IFT172: variants seen among roughly 807,000 people sequenced by gnomAD.
The protein encoded by IFT172 is intraflagellar transport 172, also known as intraflagellar transport protein 172 homolog.
Under a neutral mutation model 248.9 loss-of-function variants are expected in IFT172, and 164 were observed. The ratio of observed to expected loss-of-function variants is 0.66; its 90% confidence interval spans 0.58 to 0.75. The LOEUF is 0.75. IFT172 is among the 30% of genes least tolerant of loss of function. IFT172 has a pLI of 0.00. For synonymous variants in IFT172, 729 were observed against 791.6 expected, an observed-to-expected ratio of 0.92 and a Z score of 1.33; for missense variants, 1,950 against 2,192.4, an observed-to-expected ratio of 0.89 and a Z score of 2.21.
Position 27,456,480 on chromosome 2 carries a change from G to T in IFT172, c.3371+31C>A, listed in dbSNP as rs567851909. 2.3e-4 allele frequency: 371 copies of T among 1,597,198 alleles called. 4 individuals carry two copies. In the South Asian group the frequency reaches 3.9e-3, roughly 17 times the overall value. ...CTAGATAGTGGCTCTGGCTGGGATG[G>T]GGCCCGTGGAGAGAAAGCTTGGGGC... On this transcript the variant is annotated intron_variant, in intron 30 of 47. Transcript: ENST00000260570.
Position 27,453,980 on chromosome 2 carries a change from A to C in IFT172, c.3711+2T>G, listed in dbSNP as rs1299587820. ...CTCATGGCCCTGCATCCAGTGCCCC[A>C]CCTTATAATAATTGAGGGCCAGGCC... On this transcript the variant is annotated splice_donor_variant, in intron 33 of 47. Transcript: ENST00000260570. LOFTEE classifies it high-confidence loss of function. 1 of 1,608,998 alleles carries C rather than the reference A, an allele frequency of 6.2e-7. No individual in the cohort carries two copies. Among genetic ancestry groups the C allele is most frequent in the African/African-American group, 1.3e-5 (1 of 74,336 alleles).
chr2:27,445,423 G>T lies in IFT172; in HGVS notation c.4941C>A (p.Asp1647Glu). The T allele has an allele frequency of 1.9e-6, 3 of 1,612,034 alleles. No homozygotes were observed. The highest frequency in any genetic ancestry group is 2.5e-6 in the Non-Finnish European group (3 of 1,179,178). ...VPEAEREEVRDWVLTVSMDQR... is the reference protein window; with the variant it reads ...VPEAEREEVREWVLTVSMDQR... ...GGTCCATGGAGACTGTAAGCACCCA[G>T]TCTCGAACCTCTTCTCTCTCAGCCT... is the stretch of plus-strand genomic sequence containing the variant. The change falls in exon 46 of 48, where the codon GAC (aspartate) becomes GAA (glutamate). Residue 1647 changes from aspartate (D) to glutamate (E), a missense_variant. Around this residue, in one of 3 missense-constraint regions of IFT172, gnomAD observed 620 missense variants for 699.0 expected, o/e 0.89. Transcript: ENST00000260570. This position sits in a 1 kb window ranked among gnomAD's most constrained non-coding sequence, Gnocchi z 4.4.
chr2:27,448,815 G>T, intron 40 of IFT172, 100 bp downstream of exon 40: 1 of 751,292 alleles, frequency 1.3e-6, no homozygotes, highest in Non-Finnish European at 2.5e-6. Flanking sequence ...GTTCTCTAAG[G>T]ATAGAATCCT....
At chr2:27,461,182 G>A in intron 22 of IFT172, 87 bp downstream of exon 22, 1 of 1,613,126 alleles carries the variant, frequency 6.2e-7, no homozygotes, top group South Asian at 1.1e-5. Flanking sequence ...CAGCAGTCAG[G>A]AAGCGCTCTG....
chr2:27,450,965 T>TC (rs1359737490), intron 35 of IFT172, among the ~76,000 whole-genome samples: 9 of 151,556 alleles, frequency 5.9e-5, no homozygotes, highest in Admixed American at 5.9e-4. Context: ...TTTTTTTTTT[T>TC]TACTCTTTTT....
At chr2:27,446,721 C>T (rs1252271545) in intron 42 of IFT172, among the ~76,000 whole-genome samples, 2 of 107,244 alleles carry the variant, frequency 1.9e-5, no homozygotes, top group Non-Finnish European at 3.5e-5. Context: ...GAGACGGAGT[C>T]TCGCTCTGTC....
chr2:27,467,418 GAAAAAAAAAAAAAAAAAAAA>G (rs34115935), intron 16 of IFT172, among the ~76,000 whole-genome samples: 2 of 16,426 alleles, frequency 1.2e-4, no homozygotes, highest in African/African-American at 2.4e-4. Flanking sequence ...ACAGAAAATT[GAAAAAAAAAAAAAAAAAAAA>G]AAAAAAAAAA....
intron 11 of IFT172, 46 bp from the exon 12 acceptor site, chr2:27,477,658 G>A (rs765177020): frequency 3.2e-6 from 4 of 1,257,070 alleles, no homozygotes; most frequent in Non-Finnish European, 3.5e-6. Flanking sequence ...AAATACCCAA[G>A]ATAATGCCGA....
chr2:27,484,452 G>A (rs1668604736), intron 3 of IFT172, among the ~76,000 whole-genome samples, 186 bp from the exon 4 acceptor site: 1 of 152,096 alleles, frequency 6.6e-6, no homozygotes, highest in Non-Finnish European at 1.5e-5. Context: ...TTAGCCGGGT[G>A]TGGTGGTGGG....
At chr2:27,473,870 C>T (rs7596856) in intron 14 of IFT172, among the ~76,000 whole-genome samples, 69,405 of 151,154 alleles carry the variant, frequency 0.46, 17,392 homozygotes, top group African/African-American at 0.66. Flanking sequence ...TGCAGTGGCA[C>T]GATCTCGGCT....
At chr2:27,472,195 G>T in intron 15 of IFT172, 55 bp downstream of exon 15, 4 of 1,278,638 alleles carry the variant, frequency 3.1e-6, no homozygotes, top group Non-Finnish European at 3.4e-6. Flanking sequence ...GTGGCAGCTT[G>T]TCTCACACCC....
intron 1 of IFT172, chr2:27,486,138 G>A (rs996072335): frequency 6.0e-6 from 1 of 167,252 alleles, no homozygotes; most frequent in African/African-American, 2.4e-5. Flanking sequence ...CAGTAATTTA[G>A]TTTATTTGAA....
Position 27,481,254 on chromosome 2 carries a change from A to C in IFT172, c.577T>G (p.Leu193Val), listed in dbSNP as rs1209899453. Residue 193 changes from leucine to valine, a missense_variant, in exon 8 of 48, where the codon TTG (leucine) becomes GTG (valine). Transcript: ENST00000260570. ...DEGSGESQGKLVNHPCPPYAL... is the reference protein window; with the variant it reads ...DEGSGESQGKVVNHPCPPYAL... ...TAGGGTGGACACGGGTGGTTAACCA[A>C]CTTCCCCTAAGACAGAAGTAGAGGG... 1.2e-6 allele frequency: 2 copies of C among 1,611,018 alleles called. No homozygotes were observed. Among genetic ancestry groups the C allele is most frequent in the Admixed American group, 3.3e-5 (2 of 59,818 alleles).
intron 7 of IFT172, 88 bp from the exon 8 acceptor site, chr2:27,481,348 A>C (rs527368983): frequency 3.6e-5 from 34 of 944,412 alleles, no homozygotes; most frequent in Non-Finnish European, 5.3e-5. Flanking sequence ...ATTCACTCTG[A>C]CCATCATACC....
Position 27,472,275 on chromosome 2 carries a change from A to C in IFT172, c.1499T>G (p.Leu500Arg). 1 of 1,614,030 alleles carries C rather than the reference A, an allele frequency of 6.2e-7. No individual in the cohort carries two copies. Among genetic ancestry groups the C allele is most frequent in the Non-Finnish European group, 8.5e-7 (1 of 1,179,942 alleles). ...WLELNETGHKLLFRDRKLRLH... is the reference protein window; with the variant it reads ...WLELNETGHKRLFRDRKLRLH... ...ACGAAGTTTCCGGTCCCTGAAGAGGAGCTTGTGTCCAGTCTCATTAAGTTC... is the reference window on the plus strand; with the variant it reads ...ACGAAGTTTCCGGTCCCTGAAGAGGCGCTTGTGTCCAGTCTCATTAAGTTC... Residue 500 changes from leucine to arginine, a missense_variant, in exon 15 of 48, where the codon CTC becomes CGC. Leu to Arg is a moderately radical substitution (Grantham distance 102). Coordinates refer to ENST00000260570, the MANE Select transcript of IFT172 (RefSeq NM_015662.3).
intron 47 of IFT172, 121 bp from the exon 48 acceptor site, chr2:27,444,642 G>T: frequency 1.4e-6 from 1 of 714,160 alleles, no homozygotes; most frequent in Non-Finnish European, 2.2e-6. Flanking sequence ...TTTCTAGTGT[G>T]TATGTGGGTT....
At position 27,458,794 on chromosome 2, in the gene IFT172, C is replaced by T. The variant is rs1481312135; in HGVS notation, c.2862G>A (p.Trp954Ter). ...CCATCCCTACCTTGTGGGCTTGTTCCCAACGACCAGCCTGGGTGTACATGT... is the reference window on the plus strand; with the variant it reads ...CCATCCCTACCTTGTGGGCTTGTTCTCAACGACCAGCCTGGGTGTACATGT... ...AIDMYTQAGR[W>*]EQAHKLAMKC... Residue 954 changes from tryptophan to a stop codon, truncating the protein, a stop_gained, in exon 26 of 48, where the codon TGG (tryptophan) becomes TGA (stop). Transcript: ENST00000260570. LOFTEE classifies it high-confidence loss of function. 2 of 1,614,002 alleles carry T rather than the reference C, an allele frequency of 1.2e-6. No individual in the cohort carries two copies. Among genetic ancestry groups the T allele is most frequent in the Non-Finnish European group, 1.7e-6 (2 of 1,180,032 alleles).
Position 27,483,874 on chromosome 2 carries a change from T to C in IFT172, c.400A>G (p.Lys134Glu), listed in dbSNP as rs745998687. The C allele has an allele frequency of 6.2e-7, 1 of 1,612,474 alleles. No individual in the cohort carries two copies. The highest frequency in any genetic ancestry group is 8.5e-7 in the Non-Finnish European group (1 of 1,178,508). The change falls in exon 5 of 48, where the codon AAG (lysine) becomes GAG (glutamate). Residue 134 changes from lysine (K) to glutamate (E), a missense_variant and splice_region_variant. Around this residue, in one of 3 missense-constraint regions of IFT172, gnomAD observed 1,166 missense variants for 1,254.1 expected, o/e 0.93. Transcript: ENST00000260570. The part of the protein sequence containing the change: ...YIIVFGLAEG[K>E]VRLANTKTNK... The stretch of plus-strand genomic sequence containing the variant: ...TGTGTTTCCCTTCCCTCTTTTACCT[T>C]CCCTTCAGCCAGTCCAAAGACAATG...
chr2:27,481,016 G>T, intron 8 of IFT172, 30 bp downstream of exon 8: 1 of 1,544,598 alleles, frequency 6.5e-7, no homozygotes, highest in Non-Finnish European at 8.9e-7. Context: ...GGGAAAGTAG[G>T]CAGTAGATAA....
Sources: gnomAD v4.1 joint callset for allele counts (sites outside exome capture counted in the v4.1 genomes callset) on GRCh38, gnomAD v4.1.1 for gene constraint, gnomAD v4.1.1 regional missense constraint, Gnocchi (gnomAD v3.1) non-coding constraint, MANE v1.5 for transcripts, NCBI Gene and HGNC (gene_info 2026-07-23, HGNC 2026-07-21) for gene names.